ZNF385D: variants seen among roughly 807,000 people sequenced by gnomAD.
ZNF385D encodes the protein zinc finger protein 659.
ZNF385D carries 15 observed loss-of-function variants against 35.8 expected under a neutral mutation model. The observed-to-expected ratio is 0.42, with a 90% CI of 0.28 to 0.64. The LOEUF is 0.64. ZNF385D is among the 30% of genes least tolerant of loss of function. The pLI is 0.23. For synonymous variants in ZNF385D, 212 were observed against 186.8 expected, an observed-to-expected ratio of 1.13 and a Z score of -1.10; for missense variants, 474 against 494.6, an observed-to-expected ratio of 0.96 and a Z score of 0.39.
intron 3 of ZNF385D, among the ~76,000 whole-genome samples, chr3:21,968,556 C>T (rs930704012): frequency 4.6e-5 from 7 of 152,064 alleles, no homozygotes; most frequent in Admixed American, 4.6e-4. Flanking sequence ...CTTTGTCTTG[C>T]ATCTTGAATA....
In ZNF385D at chr3:22,199,285, A is replaced by C. The variant is rs185790451; in HGVS notation, c.107-30250T>G. ...TAGATTACATTTTACATCTCAGATC[A>C]GAGAAACATGTGGAAGGAAATGCAG... is the stretch of plus-strand genomic sequence containing the variant. On this transcript the variant is annotated intron_variant, in intron 2 of 5. Transcript: ENST00000494108. Among the ~76,000 whole-genome samples, 96 of 152,284 alleles carry C rather than the reference A, an allele frequency of 6.3e-4. 1 individual carries two copies. Among genetic ancestry groups the C allele is most frequent in the African/African-American group, 2.1e-3 (86 of 41,576 alleles).
At chr3:21,545,997 T>G (rs1349696297) in intron 3 of ZNF385D, among the ~76,000 whole-genome samples, 2 of 152,176 alleles carry the variant, frequency 1.3e-5, no homozygotes, top group Non-Finnish European at 2.9e-5. Flanking sequence ...TAGAAATAAT[T>G]ATTCTTGCTG....
intron 2 of ZNF385D, among the ~76,000 whole-genome samples, chr3:21,623,463 C>A (rs1333386237): frequency 6.6e-6 from 1 of 151,960 alleles, no homozygotes; most frequent in Non-Finnish European, 1.5e-5. Flanking sequence ...GACAACATAG[C>A]AAGACCAGTC....
chr3:21,657,398 A>G (rs1287057702), intron 2 of ZNF385D, among the ~76,000 whole-genome samples: 4 of 152,012 alleles, frequency 2.6e-5, no homozygotes, highest in African/African-American at 9.7e-5. Context: ...GGTCACTATA[A>G]TAAGTACATT....
chr3:21,990,222 T>C (rs1695075932), intron 3 of ZNF385D, among the ~76,000 whole-genome samples: 1 of 152,210 alleles, frequency 6.6e-6, no homozygotes, highest in South Asian at 2.1e-4. Context: ...GCCAGTGCAA[T>C]TGCACTGTCA....
chr3:22,355,908 T>C (rs910840802), intron 2 of ZNF385D, among the ~76,000 whole-genome samples: 3 of 152,072 alleles, frequency 2.0e-5, no homozygotes, highest in Admixed American at 2.0e-4. Context: ...CTACAACACA[T>C]GAAAAGCTGT....
At chr3:21,593,365 G>T (rs143818966) in intron 2 of ZNF385D, among the ~76,000 whole-genome samples, 3 of 151,726 alleles carry the variant, frequency 2.0e-5, no homozygotes, top group Non-Finnish European at 4.4e-5. Flanking sequence ...TTTTCTTTCC[G>T]TCTTTACCCT....
At chr3:21,454,416 T>C (rs1012100936) in intron 4 of ZNF385D, among the ~76,000 whole-genome samples, 3 of 152,152 alleles carry the variant, frequency 2.0e-5, no homozygotes, top group Non-Finnish European at 4.4e-5. Context: ...CTATGTGATC[T>C]TGTCCTCTAT....
At position 21,421,137 on chromosome 3, in the gene ZNF385D, C is replaced by G. The variant is rs1301977997; in HGVS notation, c.*77G>C. On this transcript the variant is annotated 3_prime_UTR_variant, in exon 8 of 8. Transcript: ENST00000281523. ...ATATACTTTAAACTATAAATAAACA[C>G]TGCATAGTTCTCTTTTGTTTGTTTT... The G allele has an allele frequency of 1.0e-6, 1 of 1,002,306 alleles. No homozygotes were observed. The highest frequency in any genetic ancestry group is 1.4e-6 in the Non-Finnish European group (1 of 705,572). The allele number at this position is 1,002,306 out of a possible 1,614,324, so 62.1% of individuals were successfully genotyped here.
chr3:21,468,651 G>A (rs187228835), intron 4 of ZNF385D, among the ~76,000 whole-genome samples: 26 of 151,632 alleles, frequency 1.7e-4, no homozygotes, highest in African/African-American at 5.1e-4. Flanking sequence ...ATGGGCAGGG[G>A]GCGGTGGCTC....
intron 3 of ZNF385D, among the ~76,000 whole-genome samples, chr3:22,082,502 G>T (rs1489836317): frequency 6.6e-6 from 1 of 152,174 alleles, no homozygotes; most frequent in Non-Finnish European, 1.5e-5. Context: ...CTGGGGGAGG[G>T]ATGTCCACCA....
At chr3:21,520,067 T>C (rs1417102658) in intron 3 of ZNF385D, among the ~76,000 whole-genome samples, 1 of 152,196 alleles carries the variant, frequency 6.6e-6, no homozygotes, top group Non-Finnish European at 1.5e-5. Flanking sequence ...GTAGTGTAGA[T>C]AAATGAGCAA....
intron 3 of ZNF385D, among the ~76,000 whole-genome samples, chr3:21,793,118 TA>T (rs2071997183): frequency 6.6e-6 from 1 of 152,192 alleles, no homozygotes. Context: ...TTAGCATTAT[TA>T]TATAGAATTC....
At chr3:21,916,158 A>C (rs561851201) in intron 3 of ZNF385D, among the ~76,000 whole-genome samples, 3 of 152,302 alleles carry the variant, frequency 2.0e-5, no homozygotes, top group African/African-American at 7.2e-5. Flanking sequence ...TAAAAACTCT[A>C]TAGGTCATAT....
chr3:21,834,757 C>T (rs150676906), intron 3 of ZNF385D, among the ~76,000 whole-genome samples: 59 of 91,764 alleles, frequency 6.4e-4, no homozygotes, highest in African/African-American at 2.5e-3. Context: ...AGTGGGATCT[C>T]GTGGGAGATG....
chr3:22,097,652 T>C (rs1701703926), intron 3 of ZNF385D, among the ~76,000 whole-genome samples: 1 of 152,008 alleles, frequency 6.6e-6, no homozygotes, highest in Non-Finnish European at 1.5e-5. Context: ...AAGGCCAGTA[T>C]GTGATTTTCA....
chr3:21,540,160 A>G (rs1264531598), intron 3 of ZNF385D, among the ~76,000 whole-genome samples: 1 of 152,228 alleles, frequency 6.6e-6, no homozygotes, highest in South Asian at 2.1e-4. Flanking sequence ...CTATGATAAT[A>G]AAAATACAAT....
At position 21,437,109 on chromosome 3, in the gene ZNF385D, T is replaced by C; in HGVS notation, c.534A>G (p.Glu178=). ...VMTTEITSKV[E]KSPTTATGNS... ...TGCCAGTGGCTGTCGTTGGGCTTTT[T>C]TCCACTTTAGAGGTGATCTCAGTTG... is the stretch of plus-strand genomic sequence containing the variant. Residue 178 remains glutamate, a synonymous_variant, in exon 5 of 8, where the codon GAA becomes GAG. Coordinates refer to ENST00000281523, the MANE Select transcript of ZNF385D (RefSeq NM_024697.3). The C allele has an allele frequency of 6.2e-7, 1 of 1,614,008 alleles. No individual in the cohort carries two copies. Among genetic ancestry groups the C allele is most frequent in the Non-Finnish European group, 8.5e-7 (1 of 1,179,912 alleles).
chr3:21,415,174 T>C lies in ZNF385D; in HGVS notation c.*6040A>G, dbSNP rs764224372. The C allele has an allele frequency of 4.6e-5, 7 of 152,160 alleles. No homozygotes were observed. Among genetic ancestry groups the C allele is most frequent in the African/African-American group, 9.7e-5 (4 of 41,436 alleles). The allele number at this position is 152,160 out of a possible 1,614,324, so 9.4% of individuals were successfully genotyped here. A position where few individuals can be genotyped will look rare whatever the true frequency, so the allele number is the denominator to read the frequency against. The stretch of plus-strand genomic sequence containing the variant: ...TATTAGTGAGAGACTTTAAAAATAA[T>C]ATTTGTTGTACTGGCAAAAATACAA... On this transcript the variant is annotated 3_prime_UTR_variant, in exon 8 of 8. Coordinates refer to ENST00000281523, the MANE Select transcript of ZNF385D (RefSeq NM_024697.3).
Sources: allele counts gnomAD v4.1 joint callset (sites outside exome capture counted in the v4.1 genomes callset), GRCh38; gene constraint gnomAD v4.1.1; transcripts MANE v1.5; gene names NCBI Gene and HGNC (gene_info 2026-07-23, HGNC 2026-07-21).